CCNY: variants seen among roughly 807,000 people sequenced by gnomAD.
CCNY encodes the protein cyclin-Y.
Under a neutral mutation model 42.8 loss-of-function variants are expected in CCNY, and 19 were observed. That is an observed-to-expected ratio of 0.44 (90% CI 0.31 to 0.65). The LOEUF (loss-of-function observed/expected upper bound fraction) is 0.65. CCNY is among the 30% of genes least tolerant of loss of function. The pLI, the probability that CCNY is intolerant of heterozygous loss-of-function variation, is 0.07. For synonymous variants in CCNY, 165 were observed against 162.7 expected (o/e 1.01, Z -0.11); for missense variants, 370 against 437.3 (o/e 0.85, Z 1.37).
intron 7 of CCNY, among the ~76,000 whole-genome samples, chr10:35,538,689 A>C (rs748769089): frequency 3.3e-5 from 5 of 152,180 alleles, no homozygotes; most frequent in Non-Finnish European, 5.9e-5. Flanking sequence ...GGAGTTCTTT[A>C]TATGTTCTGG....
intron 3 of CCNY, among the ~76,000 whole-genome samples, chr10:35,302,003 G>A (rs1319019503): frequency 2.7e-5 from 4 of 150,942 alleles, no homozygotes; most frequent in Non-Finnish European, 2.9e-5. Context: ...TGCTCTTATC[G>A]TCCAGGCTGG....
At chr10:35,460,511 T>A (rs1839135300) in intron 1 of CCNY, among the ~76,000 whole-genome samples, 1 of 152,084 alleles carries the variant, frequency 6.6e-6, no homozygotes, top group Admixed American at 6.5e-5. Flanking sequence ...AAATTGGAAT[T>A]TATGTAGGTG....
At chr10:35,380,396 G>T (rs2135191411) in intron 1 of CCNY, among the ~76,000 whole-genome samples, 1 of 152,328 alleles carries the variant, frequency 6.6e-6, no homozygotes, top group African/African-American at 2.4e-5. Flanking sequence ...TTCCAGTGTG[G>T]AATGTATCAG....
At chr10:35,537,149 A>G (rs1840902920) in intron 7 of CCNY, among the ~76,000 whole-genome samples, 1 of 152,238 alleles carries the variant, frequency 6.6e-6, no homozygotes, top group African/African-American at 2.4e-5. Flanking sequence ...CTGTTGCTTC[A>G]GAGGGTGGAA....
At chr10:35,461,923 C>G (rs1347962149) in intron 1 of CCNY, among the ~76,000 whole-genome samples, 1 of 152,026 alleles carries the variant, frequency 6.6e-6, no homozygotes, top group Admixed American at 6.6e-5. Flanking sequence ...TGTGGATTTT[C>G]TGTTTTTTTT....
chr10:35,330,198 G>C (rs947960906), intron 3 of CCNY, among the ~76,000 whole-genome samples: 8 of 152,170 alleles, frequency 5.3e-5, no homozygotes, highest in African/African-American at 1.9e-4. Flanking sequence ...TTTCTTGCCA[G>C]GGTATATTCA....
At chr10:35,543,646 GTGTT>G (rs759759270) in intron 7 of CCNY, among the ~76,000 whole-genome samples, 152 of 152,172 alleles carry the variant, frequency 1.0e-3, no homozygotes, top group Non-Finnish European at 1.8e-3. Context: ...ACTGTTTAAT[GTGTT>G]TACTATACTA....
chr10:35,386,060 G>T (rs894506433), intron 1 of CCNY, among the ~76,000 whole-genome samples: 1 of 152,010 alleles, frequency 6.6e-6, no homozygotes, highest in Non-Finnish European at 1.5e-5. Context: ...TAGGAATAGC[G>T]TGCGCTTTTG....
Position 35,386,365 on chromosome 10 carries a change from A to G in CCNY, c.154+49158A>G, listed in dbSNP as rs78793747. 8.3e-4 allele frequency among the ~76,000 whole-genome samples: 127 copies of G among 152,172 alleles called. 1 individual carries two copies. The East Asian group carries it at 0.022, about 26-fold the overall frequency. On this transcript the variant is annotated intron_variant, in intron 1 of 9. Coordinates refer to ENST00000374704, the MANE Select transcript of CCNY (RefSeq NM_145012.6). The stretch of plus-strand genomic sequence containing the variant: ...TCATCCTGCAGGTCTCTCTTAAGAG[A>G]GCTATGCATCCTGGTTCTTAGAAGA...
At chr10:35,300,198 T>TCTGTCTAG (rs1835517233) in intron 3 of CCNY, among the ~76,000 whole-genome samples, 1 of 152,224 alleles carries the variant, frequency 6.6e-6, no homozygotes, top group South Asian at 2.1e-4. Context: ...GAGCTCTTGC[T>TCTGTCTAG]CTGTCTAGCT....
At chr10:35,464,584 A>T in intron 1 of CCNY, among the ~76,000 whole-genome samples, 1 of 150,368 alleles carries the variant, frequency 6.7e-6, no homozygotes, top group South Asian at 2.1e-4. Context: ...TTTTAAATTA[A>T]CCCTTGTGTC....
At chr10:35,320,292 C>T (rs919712367) in intron 3 of CCNY, among the ~76,000 whole-genome samples, 1 of 152,076 alleles carries the variant, frequency 6.6e-6, no homozygotes, top group Non-Finnish European at 1.5e-5. Context: ...GGGGTTTATC[C>T]CAAGAATGCA....
intron 3 of CCNY, among the ~76,000 whole-genome samples, chr10:35,254,483 C>T (rs1192528989): frequency 6.6e-6 from 1 of 152,094 alleles, no homozygotes; most frequent in African/African-American, 2.4e-5. Context: ...GTAATGCTGA[C>T]CTATTACATG....
At chr10:35,549,091 A>G (rs1351355031) in intron 7 of CCNY, among the ~76,000 whole-genome samples, 2 of 95,660 alleles carry the variant, frequency 2.1e-5, no homozygotes, top group African/African-American at 4.6e-5. Context: ...CGTGCCCCTC[A>G]CCACCCACCC....
At chr10:35,556,743 C>A (rs1841369894) in intron 8 of CCNY, among the ~76,000 whole-genome samples, 1 of 152,082 alleles carries the variant, frequency 6.6e-6, no homozygotes, top group Admixed American at 6.5e-5. Flanking sequence ...TGTCTCCATT[C>A]CTTTCTGGAG....
At chr10:35,277,402 A>G (rs1375525742) in intron 3 of CCNY, among the ~76,000 whole-genome samples, 1 of 152,146 alleles carries the variant, frequency 6.6e-6, no homozygotes, top group Non-Finnish European at 1.5e-5. Context: ...CTCCTTTCCT[A>G]TTAGGCCCTG....
upstream of CCNY, chr10:35,335,928 C>T (rs1475284490): frequency 6.9e-6 from 1 of 145,254 alleles, no homozygotes; most frequent in South Asian, 2.2e-4. Context: ...ACACACACAC[C>T]TTAGCCAGGC....
At chr10:35,478,966 A>T (rs1212228740) in intron 1 of CCNY, among the ~76,000 whole-genome samples, 1 of 152,380 alleles carries the variant, frequency 6.6e-6, no homozygotes, top group East Asian at 1.9e-4. Flanking sequence ...GACACTTCTC[A>T]AAAGAAGACA....
At chr10:35,325,341 G>T (rs1165941263) in intron 3 of CCNY, among the ~76,000 whole-genome samples, 1 of 152,202 alleles carries the variant, frequency 6.6e-6, no homozygotes, top group East Asian at 1.9e-4. Context: ...ATCACACCTG[G>T]CTAATTTTTT....
Sources: gnomAD v4.1 joint callset for allele counts (sites outside exome capture counted in the v4.1 genomes callset) on GRCh38, gnomAD v4.1.1 for gene constraint, MANE v1.5 for transcripts, NCBI Gene and HGNC (gene_info 2026-07-23, HGNC 2026-07-21) for gene names.